The following DAB1 variants were observed in gnomAD, a reference collection of about 807,000 sequenced individuals.
The protein encoded by DAB1 is DAB adaptor protein 1.
DAB1 carries 15 observed loss-of-function variants against 64.6 expected under a neutral mutation model. That is an observed-to-expected ratio of 0.23 (90% CI 0.16 to 0.36). The LOEUF (loss-of-function observed/expected upper bound fraction) is 0.36, where lower values mean the gene tolerates loss of function less well. Among genes scored for constraint, DAB1 ranks in the 10% least tolerant of loss-of-function variants. The pLI is 1.00. For synonymous variants in DAB1, 235 were observed against 251.9 expected (o/e 0.93, Z 0.64); for missense variants, 596 against 706.7 (o/e 0.84, Z 1.78).
chr1:57,688,041 A>G (rs978311290), intron 6 of DAB1, among the ~76,000 whole-genome samples: 5 of 152,364 alleles, frequency 3.3e-5, no homozygotes, highest in South Asian at 2.1e-4. Flanking sequence ...AGCAATTGCA[A>G]CGAAACCAAA....
chr1:57,576,991 A>T (rs1310572686), intron 7 of DAB1, among the ~76,000 whole-genome samples: 1 of 152,208 alleles, frequency 6.6e-6, no homozygotes, highest in African/African-American at 2.4e-5. Context: ...TTACTAAGCA[A>T]ATTAATAATG....
intron 3 of DAB1, among the ~76,000 whole-genome samples, chr1:58,404,390 G>A (rs1024885764): frequency 2.6e-5 from 4 of 152,296 alleles, no homozygotes; most frequent in East Asian, 3.9e-4. Flanking sequence ...GACAGGCTGC[G>A]CCATTTGTCA....
At chr1:57,570,574 T>C (rs950544921) in intron 7 of DAB1, among the ~76,000 whole-genome samples, 3 of 152,154 alleles carry the variant, frequency 2.0e-5, no homozygotes, top group African/African-American at 4.8e-5. Flanking sequence ...TTGGTGACTA[T>C]TGCCTTACAG....
intron 6 of DAB1, among the ~76,000 whole-genome samples, chr1:57,696,193 T>C (rs1207250927): frequency 1.3e-5 from 2 of 152,174 alleles, no homozygotes; most frequent in African/African-American, 4.8e-5. Flanking sequence ...GTCAGAGACC[T>C]TATCTTTTGC....
intron 2 of DAB1, among the ~76,000 whole-genome samples, chr1:57,205,652 T>C (rs1362765490): frequency 2.0e-5 from 3 of 152,232 alleles, no homozygotes; most frequent in African/African-American, 7.2e-5. Context: ...CTAGGTATTA[T>C]TTCTCTCGTC....
intron 6 of DAB1, among the ~76,000 whole-genome samples, chr1:57,767,869 G>A (rs774666122): frequency 2.0e-5 from 3 of 151,946 alleles, no homozygotes; most frequent in Non-Finnish European, 2.9e-5. Flanking sequence ...TATATAATAG[G>A]CATAGTGGTT....
intron 1 of DAB1, among the ~76,000 whole-genome samples, chr1:57,848,659 A>G (rs1434556795): frequency 6.6e-6 from 1 of 152,206 alleles, no homozygotes; most frequent in African/African-American, 2.4e-5. Flanking sequence ...GCAATGATGC[A>G]GAAGTGATCA....
Position 58,370,363 on chromosome 1 carries a change from ATGAG to A in DAB1, n.258-26964_258-26961del, listed in dbSNP as rs1489154678. On this transcript the variant is annotated intron_variant and non_coding_transcript_variant, in intron 3 of 20. Coordinates refer to the DAB1 transcript ENST00000485760. ...TATAAAAAGATACTGTATGTTACTTATGAGTGTGTGCGTGTGTGTGTGTGTGTGT... is the reference window on the plus strand; with the variant it reads ...TATAAAAAGATACTGTATGTTACTTATGTGTGCGTGTGTGTGTGTGTGTGT... 8.7e-5 allele frequency among the ~76,000 whole-genome samples: 12 copies of A among 138,034 alleles called. No individual in the cohort carries two copies. In the East Asian group the frequency reaches 1.5e-3, roughly 18 times the overall value. 90.6% of individuals were successfully genotyped at this position (138,034 alleles called of 152,430 possible).
chr1:57,059,466 A>G (rs1650162570), intron 9 of DAB1, among the ~76,000 whole-genome samples: 1 of 152,122 alleles, frequency 6.6e-6, no homozygotes. Flanking sequence ...CTTAACATAC[A>G]CTAATTGAGT....
intron 7 of DAB1, among the ~76,000 whole-genome samples, chr1:57,536,403 T>C (rs1239159268): frequency 2.0e-5 from 3 of 152,208 alleles, no homozygotes; most frequent in African/African-American, 7.2e-5. Context: ...GCACCCACAG[T>C]GATGCTTCTG....
At chr1:58,438,812 T>C (rs1386899257) in intron 3 of DAB1, among the ~76,000 whole-genome samples, 2 of 152,192 alleles carry the variant, frequency 1.3e-5, no homozygotes, top group Non-Finnish European at 2.9e-5. Context: ...TCCACCTAAA[T>C]CACCCTCTAA....
At chr1:57,833,835 G>A (rs555619077) in intron 1 of DAB1, among the ~76,000 whole-genome samples, 18 of 152,128 alleles carry the variant, frequency 1.2e-4, no homozygotes, top group Non-Finnish European at 2.4e-4. Context: ...AACTCATTTT[G>A]TTCAGACTTG....
intron 6 of DAB1, among the ~76,000 whole-genome samples, chr1:57,770,116 A>G (rs1649492036): frequency 6.6e-6 from 1 of 152,180 alleles, no homozygotes; most frequent in African/African-American, 2.4e-5. Context: ...GAGATCAAGA[A>G]AAGCAGGATC....
At chr1:58,150,929 G>A (rs1654894951) in intron 4 of DAB1, among the ~76,000 whole-genome samples, 1 of 152,076 alleles carries the variant, frequency 6.6e-6, no homozygotes, top group South Asian at 2.1e-4. Context: ...ACCTATGAGT[G>A]AGAACATGCG....
At chr1:57,127,197 A>G (rs1657197640) in intron 4 of DAB1, among the ~76,000 whole-genome samples, 4 of 152,224 alleles carry the variant, frequency 2.6e-5, no homozygotes, top group South Asian at 2.1e-4. Context: ...TAGAAAAACA[A>G]TAAGCAGTAG....
chr1:57,380,444 C>T (rs1292808367), intron 1 of DAB1, among the ~76,000 whole-genome samples: 4 of 152,140 alleles, frequency 2.6e-5, no homozygotes, highest in Non-Finnish European at 4.4e-5. Context: ...TACTTTTTAC[C>T]ATAGCTAACA....
At chr1:58,495,701 T>TA (rs5774412) in intron 3 of DAB1, among the ~76,000 whole-genome samples, 7,472 of 144,784 alleles carry the variant, frequency 0.052, 222 homozygotes, top group African/African-American at 0.065. Context: ...TCTTCCACCA[T>TA]AAAAAAAAAA....
At chr1:58,220,997 T>A (rs1243868038) in intron 4 of DAB1, among the ~76,000 whole-genome samples, 2 of 149,164 alleles carry the variant, frequency 1.3e-5, no homozygotes, top group South Asian at 4.2e-4. Flanking sequence ...ATTGATTTTT[T>A]TTTTTTTTTT....
chr1:57,409,140 C>A (rs1683896368), intron 1 of DAB1, among the ~76,000 whole-genome samples: 1 of 152,164 alleles, frequency 6.6e-6, no homozygotes, highest in Non-Finnish European at 1.5e-5. Context: ...GGCTTGTCCT[C>A]CAAAGGTTCC....
Sources: allele counts gnomAD v4.1 joint callset (sites outside exome capture counted in the v4.1 genomes callset), GRCh38; gene constraint gnomAD v4.1.1; transcripts MANE v1.5; gene names NCBI Gene and HGNC (gene_info 2026-07-23, HGNC 2026-07-21).